The following STYX variants were observed in gnomAD, a reference collection of about 807,000 sequenced individuals.
STYX encodes serine/threonine/tyrosine interacting protein, also known as serine/threonine/tyrosine-interacting protein.
In STYX, 20 loss-of-function variants were observed where a neutral mutation model predicts 42.7. That is an observed-to-expected ratio of 0.47 (90% confidence interval 0.33 to 0.68). The LOEUF is 0.68. Ranked by LOEUF, STYX falls within the 30% of genes least tolerant of loss-of-function variation. The probability of loss-of-function intolerance (pLI) is 0.02; values close to 1 mark genes in which losing one functional copy is unlikely to be tolerated. For synonymous variants in STYX, 78 were observed against 81.9 expected, an observed-to-expected ratio of 0.95 and a Z score of 0.26; for missense variants, 226 against 268.5, an observed-to-expected ratio of 0.84 and a Z score of 1.11.
chr14:52,744,733 T>C, intron 1 of STYX, 119 bp from the exon 2 acceptor site: 1 of 885,688 alleles, frequency 1.1e-6, no homozygotes, highest in Admixed American at 2.7e-5. Flanking sequence ...TTTAATAAAA[T>C]GTTCTTAAAG....
At chr14:52,739,632 C>CT (rs58454717) in intron 1 of STYX, among the ~76,000 whole-genome samples, 2,617 of 65,770 alleles carry the variant, frequency 0.04, 129 homozygotes, top group African/African-American at 0.069. Flanking sequence ...TCCTTTCTTT[C>CT]TTTTTTTTTT....
At chr14:52,747,776 G>T (rs1282158062) in intron 3 of STYX, among the ~76,000 whole-genome samples, 2 of 152,192 alleles carry the variant, frequency 1.3e-5, no homozygotes, top group African/African-American at 4.8e-5. Context: ...CGGATTACAT[G>T]AGGCCAGGAG....
chr14:52,752,175 CAAAACAAAAAA>C (rs1016238459), intron 4 of STYX, among the ~76,000 whole-genome samples: 9 of 108,364 alleles, frequency 8.3e-5, no homozygotes, highest in South Asian at 3.3e-4. Context: ...CAAAACAAAA[CAAAACAAAAAA>C]AAAACAGCGC....
At chr14:52,769,279 T>C (rs1038709366) in intron 10 of STYX, among the ~76,000 whole-genome samples, 1 of 152,082 alleles carries the variant, frequency 6.6e-6, no homozygotes, top group African/African-American at 2.4e-5. Context: ...CATCCTTTCC[T>C]CCCTCTGTTG....
At chr14:52,757,816 CATTT>C in intron 7 of STYX, 34 bp downstream of exon 7, 1 of 1,612,708 alleles carries the variant, frequency 6.2e-7, no homozygotes, top group South Asian at 1.1e-5. Context: ...CTTTCTATAA[CATTT>C]AATTAATGGG....
At chr14:52,759,845 T>C (rs1882024140) in intron 9 of STYX, 91 bp downstream of exon 9, 1 of 788,790 alleles carries the variant, frequency 1.3e-6, no homozygotes, top group South Asian at 1.7e-5. Context: ...TTGTGAATAC[T>C]TAAAATTGCC....
rs146671190 is a variant in STYX, at chr14:52,739,702, C to T, written c.58-5150C>T. 3.0e-3 allele frequency among the ~76,000 whole-genome samples: 404 copies of T among 132,554 alleles called. 2 individuals are homozygous for T. The highest frequency in any genetic ancestry group is 0.011 in the African/African-American group (384 of 34,858). The allele number at this position is 132,554 out of a possible 152,430, so 87.0% of individuals were successfully genotyped here. On this transcript the variant is annotated intron_variant, in intron 1 of 10. Transcript: ENST00000354586. ...TGTTGCCCAGGCTGGAGTGCAATGGCACCATGATGACTCACTGCAGCCTCG... is the reference window on the plus strand; with the variant it reads ...TGTTGCCCAGGCTGGAGTGCAATGGTACCATGATGACTCACTGCAGCCTCG...
At chr14:52,734,651 G>GT (rs969548170) in intron 1 of STYX, among the ~76,000 whole-genome samples, 1 of 152,224 alleles carries the variant, frequency 6.6e-6, no homozygotes, top group African/African-American at 2.4e-5. Context: ...GTTAAAGCTA[G>GT]TGGATAATGA....
chr14:52,739,452 G>T (rs1881093890), intron 1 of STYX, among the ~76,000 whole-genome samples: 1 of 151,798 alleles, frequency 6.6e-6, no homozygotes, highest in African/African-American at 2.4e-5. Context: ...CTGGCTGTTA[G>T]ACTACTTGAG....
chr14:52,736,538 C>T (rs1880958434), intron 1 of STYX, among the ~76,000 whole-genome samples: 1 of 152,086 alleles, frequency 6.6e-6, no homozygotes, highest in Admixed American at 6.5e-5. Flanking sequence ...TATTTATTTC[C>T]ATTGCAGTTT....
Position 52,773,361 on chromosome 14 carries a change from CAG to C in STYX, c.*2258_*2259del, listed in dbSNP as rs1882595308. The C allele has an allele frequency of 7.1e-6, 1 of 140,374 alleles. No individual in the cohort carries two copies. The highest frequency in any genetic ancestry group is 2.1e-4 in the East Asian group (1 of 4,788). 8.7% of individuals were successfully genotyped at this position (140,374 alleles called of 1,614,324 possible). On this transcript the variant is annotated 3_prime_UTR_variant, in exon 11 of 11. Transcript: ENST00000354586. ...GATAGATTTTTTTTTTTTTTTGAGA[CAG>C]AGTCTCTAATGTCACCCAGGCTGGA...
At chr14:52,745,672 A>G (rs938646119) in intron 2 of STYX, among the ~76,000 whole-genome samples, 1 of 152,240 alleles carries the variant, frequency 6.6e-6, no homozygotes, top group Non-Finnish European at 1.5e-5. Context: ...CCCTCATAGC[A>G]GTTCATTTTC....
chr14:52,750,758 C>G lies in STYX; in HGVS notation c.220C>G (p.Pro74Ala). The G allele has an allele frequency of 6.3e-7, 1 of 1,583,590 alleles. No individual in the cohort carries two copies. The highest frequency in any genetic ancestry group is 1.2e-5 in the South Asian group (1 of 85,246). ...RQNIEANFIK[P>A]NFQQLFRYLV... Reference sequence around the variant, plus strand: ...AAATATTGAAGCAAACTTTATTAAACCAAACTTTCAGCAGTTATTTAGGTA... The same window carrying G: ...AAATATTGAAGCAAACTTTATTAAAGCAAACTTTCAGCAGTTATTTAGGTA... The change falls in exon 4 of 11, where the codon CCA becomes GCA. Residue 74 changes from proline (P) to alanine (A), a missense_variant. By Grantham distance (27) the Pro-to-Ala change is conservative. Coordinates refer to ENST00000354586, the MANE Select transcript of STYX (RefSeq NM_145251.4).
At chr14:52,756,044 G>T (rs1042210297) in intron 4 of STYX, among the ~76,000 whole-genome samples, 2 of 152,108 alleles carry the variant, frequency 1.3e-5, no homozygotes, top group African/African-American at 4.8e-5. Context: ...TTTGAGATAA[G>T]AATCTTGCTC....
At chr14:52,765,747 A>G (rs537281285) in intron 9 of STYX, among the ~76,000 whole-genome samples, 1 of 152,234 alleles carries the variant, frequency 6.6e-6, no homozygotes, top group African/African-American at 2.4e-5. Context: ...GGAGTGTGCA[A>G]CCTAGATCCC....
In STYX at chr14:52,774,881, A is replaced by T. The variant is rs963236020; in HGVS notation, c.*3775A>T. The T allele has an allele frequency of 1.3e-5, 2 of 152,216 alleles. No homozygotes were observed. The highest frequency in any genetic ancestry group is 2.9e-5 in the Non-Finnish European group (2 of 68,034). The allele number at this position is 152,216 out of a possible 1,614,324, so 9.4% of individuals were successfully genotyped here. A position where few individuals can be genotyped will look rare whatever the true frequency, so the allele number is the denominator to read the frequency against. On this transcript the variant is annotated 3_prime_UTR_variant, in exon 11 of 11. Transcript: ENST00000354586. ...ACTTGGATAAAATGCTTATGTCTGT[A>T]TAGGAATGTCACAGTGCAAGATGCT...
intron 9 of STYX, among the ~76,000 whole-genome samples, chr14:52,768,443 T>C (rs529830063): frequency 6.6e-6 from 1 of 152,288 alleles, no homozygotes; most frequent in East Asian, 1.9e-4. Flanking sequence ...CATCAAATGT[T>C]TTCCTTGTTT....
At chr14:52,758,706 G>C (rs956045127) in intron 8 of STYX, among the ~76,000 whole-genome samples, 1 of 152,082 alleles carries the variant, frequency 6.6e-6, no homozygotes, top group African/African-American at 2.4e-5. Flanking sequence ...CTCCCTAGTA[G>C]CTGAGACTAC....
At chr14:52,744,935 A>G in intron 2 of STYX, 51 bp downstream of exon 2, 1 of 1,574,880 alleles carries the variant, frequency 6.3e-7, no homozygotes, top group Non-Finnish European at 8.7e-7. Flanking sequence ...TATCATAATA[A>G]GAACCTTAGT....
Sources: allele counts gnomAD v4.1 joint callset (sites outside exome capture counted in the v4.1 genomes callset), GRCh38; gene constraint gnomAD v4.1.1; transcripts MANE v1.5; gene names NCBI Gene and HGNC (gene_info 2026-07-23, HGNC 2026-07-21).